IQGAP1: variants seen among roughly 807,000 people sequenced by gnomAD.
IQGAP1 encodes ras GTPase-activating-like protein IQGAP1.
In IQGAP1, 66 loss-of-function variants were observed where a neutral mutation model predicts 215.6. The ratio of observed to expected loss-of-function variants is 0.31; its 90% confidence interval spans 0.25 to 0.38. The LOEUF is 0.38. Ranked by LOEUF, IQGAP1 falls within the 10% of genes least tolerant of loss-of-function variation. The pLI is 1.00. For synonymous variants in IQGAP1, 772 were observed against 728.7 expected, an observed-to-expected ratio of 1.06 and a Z score of -0.96; for missense variants, 1,712 against 1,997.1, an observed-to-expected ratio of 0.86 and a Z score of 2.72.
chr15:90,429,027 A>T (rs146591103), intron 3 of IQGAP1, among the ~76,000 whole-genome samples: 1 of 151,910 alleles, frequency 6.6e-6, no homozygotes, highest in Non-Finnish European at 1.5e-5. Context: ...TAATTTTTGT[A>T]TTTTTAGTAG....
chr15:90,452,040 G>T (rs1174976960), intron 11 of IQGAP1, among the ~76,000 whole-genome samples: 1 of 152,138 alleles, frequency 6.6e-6, no homozygotes, highest in African/African-American at 2.4e-5. Flanking sequence ...GTGTTGACCA[G>T]GATGGTCTCG....
chr15:90,432,036 A>T (rs1965310454), intron 4 of IQGAP1, among the ~76,000 whole-genome samples: 1 of 152,152 alleles, frequency 6.6e-6, no homozygotes, highest in Non-Finnish European at 1.5e-5. Context: ...ATACTTTAAG[A>T]TGCAATCCTT....
intron 15 of IQGAP1, among the ~76,000 whole-genome samples, chr15:90,462,962 T>A (rs945712080): frequency 2.6e-5 from 4 of 152,198 alleles, no homozygotes; most frequent in Non-Finnish European, 5.9e-5. Flanking sequence ...CTTTAGGTAA[T>A]CTCTTTAAAA....
chr15:90,484,544 T>A (rs901820204), intron 30 of IQGAP1, among the ~76,000 whole-genome samples, 192 bp downstream of exon 30: 1 of 152,180 alleles, frequency 6.6e-6, no homozygotes, highest in Non-Finnish European at 1.5e-5. Context: ...AGTCTCACTG[T>A]GTTGCCCAGG....
At position 90,467,499 on chromosome 15, in the gene IQGAP1, T is replaced by C. The variant is rs767174403; in HGVS notation, c.2085T>C (p.Tyr695=). ...AGCACTGGGTAAAAGGTGGATATTA[T>C]TATTACCACAATCTGGAGACCCAGG... ...WVKHWVKGGY[Y]YYHNLETQEG... The change falls in exon 18 of 38, where the codon TAT becomes TAC. Residue 695 remains tyrosine (Y), a synonymous_variant. Coordinates refer to ENST00000268182, the MANE Select transcript of IQGAP1 (RefSeq NM_003870.4). 26 of 1,613,296 alleles carry C rather than the reference T, an allele frequency of 1.6e-5. No homozygotes were observed. The highest frequency in any genetic ancestry group is 2.1e-5 in the Non-Finnish European group (25 of 1,179,658).
At chr15:90,443,201 T>C (rs1965477128) in intron 8 of IQGAP1, among the ~76,000 whole-genome samples, 193 bp from the exon 9 acceptor site, 1 of 152,218 alleles carries the variant, frequency 6.6e-6, no homozygotes, top group South Asian at 2.1e-4. Flanking sequence ...CTTCAAGCCA[T>C]CTTCCCACCT....
chr15:90,426,067 G>T (rs780988907), intron 2 of IQGAP1, 43 bp from the exon 3 acceptor site: 2 of 1,562,890 alleles, frequency 1.3e-6, no homozygotes, highest in African/African-American at 1.4e-5. Context: ...GAAAAGTTCT[G>T]ACCTTCCCTT....
At chr15:90,428,334 C>T (rs979104468) in intron 3 of IQGAP1, among the ~76,000 whole-genome samples, 1 of 152,132 alleles carries the variant, frequency 6.6e-6, no homozygotes, top group Non-Finnish European at 1.5e-5. Flanking sequence ...ACCTTGGCCT[C>T]TCAAAGTGCC....
rs539526895 is a variant in IQGAP1, at chr15:90,407,386, A to G, written c.155+16513A>G. Among the ~76,000 whole-genome samples, 593 of 150,460 alleles carry G rather than the reference A, an allele frequency of 3.9e-3. 3 individuals carry two copies. The highest frequency in any genetic ancestry group is 0.013 in the African/African-American group (524 of 41,428). On this transcript the variant is annotated intron_variant, in intron 2 of 37. Coordinates refer to ENST00000268182, the MANE Select transcript of IQGAP1 (RefSeq NM_003870.4). ...GAATTCAGTCAACTGTTATATTAAC[A>G]TTTTACCTACTTTACTAAAAAATTC...
intron 2 of IQGAP1, among the ~76,000 whole-genome samples, chr15:90,408,990 T>C (rs1474482727): frequency 6.6e-6 from 1 of 152,106 alleles, no homozygotes; most frequent in Admixed American, 6.5e-5. Flanking sequence ...CCTGTAGCAG[T>C]GGGAAAAACG....
intron 2 of IQGAP1, among the ~76,000 whole-genome samples, chr15:90,423,820 C>T (rs2151012957): frequency 6.6e-6 from 1 of 152,298 alleles, no homozygotes; most frequent in East Asian, 1.9e-4. Flanking sequence ...TGTTTTATAG[C>T]AGTTGGACTA....
At chr15:90,448,837 A>C in intron 10 of IQGAP1, 101 bp downstream of exon 10, 1 of 1,079,562 alleles carries the variant, frequency 9.3e-7, no homozygotes, top group Non-Finnish European at 1.2e-6. Flanking sequence ...TTTTCCCCCA[A>C]TACGACTTTT....
intron 15 of IQGAP1, among the ~76,000 whole-genome samples, chr15:90,457,786 TA>T (rs1965706602): frequency 1.3e-5 from 2 of 152,238 alleles, no homozygotes; most frequent in African/African-American, 4.8e-5. Flanking sequence ...GTTAAAAACA[TA>T]TATGTGCATT....
chr15:90,391,576 G>A (rs12437529), intron 2 of IQGAP1: 2,713 of 152,458 alleles, frequency 0.018, 59 homozygotes, highest in East Asian at 0.11. Context: ...TATGACCTGC[G>A]GAGTGGCTGC....
chr15:90,433,879 T>A lies in IQGAP1; in HGVS notation c.467+84T>A, dbSNP rs1596264259. On this transcript the variant is annotated intron_variant, in intron 5 of 37. Coordinates refer to ENST00000268182, the MANE Select transcript of IQGAP1 (RefSeq NM_003870.4). ...TAGTTTTTTATCCTTGAGGTAAGAATGAAAAAGTTTTTTGATTAGTTTCAA... is the reference window on the plus strand; with the variant it reads ...TAGTTTTTTATCCTTGAGGTAAGAAAGAAAAAGTTTTTTGATTAGTTTCAA... The A allele has an allele frequency of 1.5e-5, 12 of 774,992 alleles. No individual in the cohort carries two copies. In the East Asian group the frequency reaches 3.0e-4, roughly 19 times the overall value. 48.0% of individuals were successfully genotyped at this position (774,992 alleles called of 1,614,324 possible). A position where few individuals can be genotyped will look rare whatever the true frequency, so the allele number is the denominator to read the frequency against.
intron 26 of IQGAP1, among the ~76,000 whole-genome samples, chr15:90,480,699 C>T (rs557830283): frequency 2.6e-5 from 4 of 152,244 alleles, no homozygotes; most frequent in Middle Eastern, 6.8e-3. Flanking sequence ...GACAGAGTCT[C>T]GTTCTGTTGG....
At chr15:90,444,139 G>A (rs1310943262) in intron 9 of IQGAP1, among the ~76,000 whole-genome samples, 1 of 151,512 alleles carries the variant, frequency 6.6e-6, no homozygotes, top group Non-Finnish European at 1.5e-5. Flanking sequence ...AATGCAAGCT[G>A]TCTAGAAATA....
chr15:90,480,092 A>G (rs184060488), intron 26 of IQGAP1, among the ~76,000 whole-genome samples: 2 of 152,146 alleles, frequency 1.3e-5, no homozygotes, highest in Non-Finnish European at 2.9e-5. Flanking sequence ...TTTGCCTTTC[A>G]TAAAATGGAA....
intron 26 of IQGAP1, among the ~76,000 whole-genome samples, chr15:90,481,310 C>T (rs561192686): frequency 1.5e-5 from 2 of 136,844 alleles, no homozygotes; most frequent in East Asian, 4.2e-4. Flanking sequence ...CAAGGTCTTG[C>T]TCAAGCAGTC....
Sources: gnomAD v4.1 joint callset for allele counts (sites outside exome capture counted in the v4.1 genomes callset) on GRCh38, gnomAD v4.1.1 for gene constraint, MANE v1.5 for transcripts, NCBI Gene and HGNC (gene_info 2026-07-23, HGNC 2026-07-21) for gene names.